Variants in ZNF407 observed in about 807,000 individuals in gnomAD.
The protein encoded by ZNF407 is zinc finger protein 407.
ZNF407 carries 17 observed loss-of-function variants against 131.2 expected under a neutral mutation model. The observed-to-expected ratio is 0.13, with a 90% CI of 0.09 to 0.19. The LOEUF (loss-of-function observed/expected upper bound fraction) is 0.19. Ranked by LOEUF, ZNF407 falls within the 10% of genes least tolerant of loss-of-function variation. The pLI, the probability that ZNF407 is intolerant of heterozygous loss-of-function variation, is 1.00. For synonymous variants in ZNF407, 1,156 were observed against 1,062.0 expected (o/e 1.09, Z -1.72); for missense variants, 2,681 against 2,830.6 (o/e 0.95, Z 1.20).
chr18:75,002,781 G>A (rs980730173), intron 8 of ZNF407, among the ~76,000 whole-genome samples: 1 of 147,952 alleles, frequency 6.8e-6, no homozygotes, highest in East Asian at 2.0e-4. Context: ...CTCCAGCCTG[G>A]GCAACAGAGC....
At chr18:74,784,407 A>G (rs77310854) in intron 4 of ZNF407, among the ~76,000 whole-genome samples, 2,485 of 152,338 alleles carry the variant, frequency 0.016, 77 homozygotes, top group African/African-American at 0.056. Flanking sequence ...TTTATTAAAA[A>G]TAAATCCATA....
chr18:74,764,295 T>C (rs1241850802), intron 3 of ZNF407, among the ~76,000 whole-genome samples: 12 of 152,234 alleles, frequency 7.9e-5, no homozygotes, highest in Admixed American at 7.9e-4. Flanking sequence ...TTTGTGCTTT[T>C]TTTGTGTGTG....
At position 74,676,624 on chromosome 18, in the gene ZNF407, C is replaced by T. The variant is rs186968947; in HGVS notation, c.4802+35502C>T. 5.7e-3 allele frequency among the ~76,000 whole-genome samples: 862 copies of T among 151,780 alleles called. 4 individuals carry two copies. Among genetic ancestry groups the T allele is most frequent in the Non-Finnish European group, 9.1e-3 (615 of 67,922 alleles). On this transcript the variant is annotated intron_variant, in intron 3 of 8. Coordinates refer to ENST00000299687, the MANE Select transcript of ZNF407 (RefSeq NM_017757.3). Reference sequence around the variant, plus strand: ...GGTAATTTTGTATTTTTAGTAGAGACGGGGTTTCACCGTGTTAGCCAGGAT... The same window carrying T: ...GGTAATTTTGTATTTTTAGTAGAGATGGGGTTTCACCGTGTTAGCCAGGAT...
At chr18:75,002,814 A>T (rs1972863859) in intron 8 of ZNF407, among the ~76,000 whole-genome samples, 1 of 152,058 alleles carries the variant, frequency 6.6e-6, no homozygotes, top group Admixed American at 6.6e-5. Flanking sequence ...CAAAAAAAAA[A>T]AAAAAAAGAG....
At chr18:74,950,562 G>A (rs1292306582) in intron 8 of ZNF407, among the ~76,000 whole-genome samples, 1 of 152,208 alleles carries the variant, frequency 6.6e-6, no homozygotes, top group Non-Finnish European at 1.5e-5. Flanking sequence ...CAAGGAAGGA[G>A]AAAGTTTGGG....
intron 3 of ZNF407, among the ~76,000 whole-genome samples, chr18:74,686,917 C>T (rs1470691082): frequency 1.3e-5 from 2 of 152,104 alleles, no homozygotes; most frequent in Non-Finnish European, 1.5e-5. Flanking sequence ...CTTCATTTAA[C>T]AAATAATTAT....
chr18:74,722,348 G>A (rs910050500), intron 3 of ZNF407, among the ~76,000 whole-genome samples: 15 of 151,922 alleles, frequency 9.9e-5, no homozygotes, highest in African/African-American at 2.7e-4. Flanking sequence ...TAATTTTTGC[G>A]TGGAGATCCT....
At chr18:74,660,173 A>G (rs1985651245) in intron 3 of ZNF407, among the ~76,000 whole-genome samples, 1 of 152,130 alleles carries the variant, frequency 6.6e-6, no homozygotes, top group African/African-American at 2.4e-5. Flanking sequence ...TGATTTGCAT[A>G]TGGTAGAGTT....
intron 3 of ZNF407, among the ~76,000 whole-genome samples, chr18:74,750,904 C>T (rs555346414): frequency 1.3e-4 from 20 of 152,114 alleles, no homozygotes; most frequent in Admixed American, 3.9e-4. Flanking sequence ...ATATCATTGA[C>T]GTTTTGATTT....
intron 3 of ZNF407, among the ~76,000 whole-genome samples, chr18:74,662,546 T>A (rs185826613): frequency 2.7e-4 from 41 of 152,342 alleles, no homozygotes; most frequent in Admixed American, 2.5e-3. Flanking sequence ...TTTAAATGTT[T>A]ATAGAAACCT....
intron 7 of ZNF407, among the ~76,000 whole-genome samples, chr18:74,910,900 G>A (rs1032348750): frequency 2.6e-5 from 4 of 151,942 alleles, no homozygotes; most frequent in Non-Finnish European, 5.9e-5. Flanking sequence ...ACTCCTTCCC[G>A]TATCCCTTTC....
intron 4 of ZNF407, among the ~76,000 whole-genome samples, chr18:74,856,246 A>G (rs1157273450): frequency 6.6e-6 from 1 of 152,258 alleles, no homozygotes; most frequent in African/African-American, 2.4e-5. Context: ...TGTAAATAAT[A>G]TGGAATACAG....
At chr18:74,699,083 C>T (rs1411754039) in intron 3 of ZNF407, among the ~76,000 whole-genome samples, 6 of 152,134 alleles carry the variant, frequency 3.9e-5, no homozygotes, top group Admixed American at 3.9e-4. Flanking sequence ...TCTCCTTTCC[C>T]AGGTTTTTTC....
chr18:74,914,058 T>C (rs1291342524), intron 7 of ZNF407, among the ~76,000 whole-genome samples: 1 of 152,166 alleles, frequency 6.6e-6, no homozygotes, highest in East Asian at 1.9e-4. Flanking sequence ...ATTCCAAAAT[T>C]TGATTTGAAG....
intron 4 of ZNF407, among the ~76,000 whole-genome samples, chr18:74,799,770 G>A (rs548658262): frequency 9.9e-5 from 15 of 152,024 alleles, no homozygotes; most frequent in Non-Finnish European, 1.6e-4. Context: ...TGGAGAATGC[G>A]TATGCACCTG....
chr18:75,020,839 A>T (rs1362291338), intron 8 of ZNF407, among the ~76,000 whole-genome samples: 1 of 152,214 alleles, frequency 6.6e-6, no homozygotes, highest in Non-Finnish European at 1.5e-5. Context: ...TAATCTGTGG[A>T]TGTCATCCTA....
chr18:74,738,121 A>T (rs1555682056), intron 3 of ZNF407, among the ~76,000 whole-genome samples: 1 of 152,032 alleles, frequency 6.6e-6, no homozygotes, highest in Non-Finnish European at 1.5e-5. Context: ...TTCACTGTTC[A>T]ATTAAAAAGG....
chr18:75,047,433 C>T (rs1011262066), intron 8 of ZNF407, among the ~76,000 whole-genome samples: 1 of 152,230 alleles, frequency 6.6e-6, no homozygotes, highest in Non-Finnish European at 1.5e-5. Flanking sequence ...CTTCTGCGGC[C>T]TCACGTTGAA....
intron 3 of ZNF407, among the ~76,000 whole-genome samples, chr18:74,768,752 T>C (rs1230072136): frequency 6.6e-6 from 1 of 152,242 alleles, no homozygotes; most frequent in Non-Finnish European, 1.5e-5. Flanking sequence ...GTGTATCTAC[T>C]ACAGTTGTGG....
Sources: allele counts gnomAD v4.1 joint callset (sites outside exome capture counted in the v4.1 genomes callset), GRCh38; gene constraint gnomAD v4.1.1; transcripts MANE v1.5; gene names NCBI Gene and HGNC (gene_info 2026-07-23, HGNC 2026-07-21).